CIMAP2: variants seen among roughly 807,000 people sequenced by gnomAD.
CIMAP2 encodes the protein ciliary microtubule associated protein 2, also known as ciliary microtubule-associated protein 2.
chr1:54,825,242 G>A, the CIMAP2 span, among the ~76,000 whole-genome samples: 5 of 151,296 alleles, frequency 3.3e-5, no homozygotes, highest in South Asian at 4.2e-4. Flanking sequence ...TAGTAGAGAC[G>A]GGGTTTCACC....
At chr1:54,835,518 T>C in the CIMAP2 span, among the ~76,000 whole-genome samples, 1 of 152,172 alleles carries the variant, frequency 6.6e-6, no homozygotes, top group Non-Finnish European at 1.5e-5. Flanking sequence ...GTACTTATTG[T>C]ATGCAATAGC....
At chr1:54,832,768 C>T in the CIMAP2 span, among the ~76,000 whole-genome samples, 6 of 152,142 alleles carry the variant, frequency 3.9e-5, no homozygotes, top group Admixed American at 6.5e-5. Context: ...TGGCTTACAC[C>T]TATAGTCCCA....
the CIMAP2 span, among the ~76,000 whole-genome samples, chr1:54,830,107 GTTGTAAGCTTGGC>G: frequency 1.3e-5 from 2 of 152,212 alleles, no homozygotes; most frequent in African/African-American, 2.4e-5. The surrounding 1 kb of genome is among the most constrained non-coding windows in gnomAD (Gnocchi z 4.1). Context: ...CTCTCTGGGG[GTTGTAAGCTTGGC>G]TGTCCAAGCT....
the CIMAP2 span, chr1:54,814,885 A>G: frequency 2.5e-6 from 4 of 1,613,652 alleles, no homozygotes; most frequent in Non-Finnish European, 3.4e-6. Context: ...GAGCCTCTCC[A>G]GATTTCAGCC....
chr1:54,811,938 C>T, the CIMAP2 span: 536 of 1,614,142 alleles, frequency 3.3e-4, no homozygotes, highest in Non-Finnish European at 4.3e-4. Flanking sequence ...TCAGGTACCC[C>T]CTCGGCTGGC....
At chr1:54,823,069 G>A in the CIMAP2 span, among the ~76,000 whole-genome samples, 1 of 152,180 alleles carries the variant, frequency 6.6e-6, no homozygotes. Context: ...GAAATGTTCT[G>A]CAAATGCCTG....
chr1:54,822,189 C>T, the CIMAP2 span, among the ~76,000 whole-genome samples: 1,527 of 98,822 alleles, frequency 0.015, 261 homozygotes, highest in Non-Finnish European at 0.024. Flanking sequence ...TGAGCCACCG[C>T]GCCCGGCCTT....
At chr1:54,806,253 A>G in the CIMAP2 span, 2 of 1,486,724 alleles carry the variant, frequency 1.3e-6, no homozygotes, top group Admixed American at 4.8e-5. Flanking sequence ...GCTCACGCCC[A>G]CGGTCCAAAG....
chr1:54,832,004 G>A, the CIMAP2 span, among the ~76,000 whole-genome samples: 4 of 152,134 alleles, frequency 2.6e-5, no homozygotes, highest in East Asian at 1.9e-4. Context: ...GTGCCACCAC[G>A]CCCAACTAAT....
chr1:54,820,348 G>T, the CIMAP2 span, among the ~76,000 whole-genome samples: 1 of 146,304 alleles, frequency 6.8e-6, no homozygotes, highest in African/African-American at 2.5e-5. Context: ...AAAAAGTTTT[G>T]TTTTTTTTTT....
At chr1:54,812,013 C>G in the CIMAP2 span, 1 of 1,614,154 alleles carries the variant, frequency 6.2e-7, no homozygotes, top group Non-Finnish European at 8.5e-7. Context: ...GCTGAGCTCT[C>G]CTGCAGGCCT....
the CIMAP2 span, among the ~76,000 whole-genome samples, chr1:54,832,586 G>A: frequency 6.6e-6 from 1 of 152,008 alleles, no homozygotes; most frequent in Non-Finnish European, 1.5e-5. Flanking sequence ...TGTGTAATAT[G>A]GTCAAAGCAC....
chr1:54,815,137 G>A, the CIMAP2 span: 2 of 1,514,530 alleles, frequency 1.3e-6, no homozygotes, highest in Non-Finnish European at 1.8e-6. Flanking sequence ...TGCTTTGAGT[G>A]AGCCATATGC....
chr1:54,820,930 G>A, the CIMAP2 span, among the ~76,000 whole-genome samples: 1 of 152,072 alleles, frequency 6.6e-6, no homozygotes, highest in Middle Eastern at 3.4e-3. Flanking sequence ...CACCACCCCC[G>A]GCTAATTTTT....
the CIMAP2 span, chr1:54,815,113 C>T: frequency 6.3e-6 from 10 of 1,575,506 alleles, 1 homozygote; most frequent in Admixed American, 8.8e-5. Context: ...GCCTCTTTGT[C>T]CCCAGGTAAC....
chr1:54,807,775 C>T, the CIMAP2 span: 5 of 1,508,852 alleles, frequency 3.3e-6, no homozygotes, highest in African/African-American at 4.2e-5. Flanking sequence ...CTTCAGTGTC[C>T]TCCCAAGGCC....
chr1:54,819,924 CCCCAT>C, the CIMAP2 span, among the ~76,000 whole-genome samples: 4 of 100,684 alleles, frequency 4.0e-5, no homozygotes, highest in African/African-American at 9.2e-5. Flanking sequence ...CCTCCCTCCC[CCCCAT>C]ATTTCTTTTC....
the CIMAP2 span, chr1:54,812,014 C>T: frequency 6.2e-7 from 1 of 1,614,038 alleles, no homozygotes; most frequent in African/African-American, 1.3e-5. Context: ...CTGAGCTCTC[C>T]TGCAGGCCTC....
the CIMAP2 span, among the ~76,000 whole-genome samples, chr1:54,818,332 T>C: frequency 6.6e-6 from 1 of 152,186 alleles, no homozygotes; most frequent in African/African-American, 2.4e-5. Context: ...CAGATATCTC[T>C]TTTAGATGAA....
Sources: allele counts gnomAD v4.1 joint callset (sites outside exome capture counted in the v4.1 genomes callset), GRCh38; gene constraint gnomAD v4.1.1; non-coding constraint Gnocchi (gnomAD v3.1); transcripts MANE v1.5; gene names NCBI Gene and HGNC (gene_info 2026-07-23, HGNC 2026-07-21).